The following PRKAR1A variants were observed in gnomAD, a reference collection of about 807,000 sequenced individuals.
The protein encoded by PRKAR1A is protein kinase cAMP-dependent type I regulatory subunit alpha.
A neutral mutation model predicts 52.0 loss-of-function variants in PRKAR1A; 3 were observed. The ratio of observed to expected loss-of-function variants is 0.06; its 90% confidence interval spans 0.03 to 0.15. The LOEUF (loss-of-function observed/expected upper bound fraction) is 0.15. PRKAR1A is among the 10% of genes least tolerant of loss of function. The probability of loss-of-function intolerance (pLI) is 1.00; values close to 1 mark genes in which losing one functional copy is unlikely to be tolerated. For missense variants in PRKAR1A, 240 were observed against 477.4 expected (o/e 0.50, Z 4.63); for synonymous variants, 188 against 168.4 (o/e 1.12, Z -0.90).
chr17:68,492,405 C>A, the PRKAR1A span, among the ~76,000 whole-genome samples: 3 of 152,100 alleles, frequency 2.0e-5, no homozygotes, highest in Non-Finnish European at 2.9e-5. Flanking sequence ...GTTCTTCCCA[C>A]CCCTGCGAGC....
At chr17:68,424,226 C>T in the PRKAR1A span, among the ~76,000 whole-genome samples, 31 of 152,310 alleles carry the variant, frequency 2.0e-4, no homozygotes, top group African/African-American at 5.1e-4. Flanking sequence ...ATATAAACTT[C>T]ACTTGCCAGC....
chr17:68,475,044 A>G, the PRKAR1A span, among the ~76,000 whole-genome samples: 1 of 152,250 alleles, frequency 6.6e-6, no homozygotes, highest in African/African-American at 2.4e-5. Flanking sequence ...AAATCAATGA[A>G]TACATTTAAT....
the PRKAR1A span, chr17:68,426,254 G>GGGGGGGC: frequency 1.2e-6 from 1 of 816,924 alleles, no homozygotes. Context: ...GGGAGCGGGG[G>GGGGGGGC]CTCAAATAAA....
the PRKAR1A span, among the ~76,000 whole-genome samples, chr17:68,476,842 T>C: frequency 1.3e-5 from 2 of 152,016 alleles, no homozygotes; most frequent in South Asian, 2.1e-4. Flanking sequence ...TTTGTATTTT[T>C]AGTAGGGATG....
intron 2 of PRKAR1A, among the ~76,000 whole-genome samples, chr17:68,518,860 T>G (rs1484050510): frequency 1.3e-5 from 2 of 152,182 alleles, no homozygotes; most frequent in Non-Finnish European, 2.9e-5. Flanking sequence ...TGCTTAGAAA[T>G]TTCTTCCACC....
At chr17:68,492,188 C>T in the PRKAR1A span, among the ~76,000 whole-genome samples, 5 of 152,306 alleles carry the variant, frequency 3.3e-5, no homozygotes, top group South Asian at 2.1e-4. Context: ...ATGGTTCATT[C>T]GGCAGGTGCT....
the PRKAR1A span, among the ~76,000 whole-genome samples, chr17:68,475,850 T>C: frequency 6.6e-6 from 1 of 152,192 alleles, no homozygotes; most frequent in Non-Finnish European, 1.5e-5. Context: ...TTGATACATA[T>C]ATTTTTATGC....
At chr17:68,542,259 A>T (rs764112661) in intron 11 of PRKAR1A, 274 of 1,348,942 alleles carry the variant, frequency 2.0e-4, no homozygotes, top group Non-Finnish European at 2.7e-4. Context: ...GGGAAGGGAA[A>T]CCCTGAACTC....
chr17:68,469,956 G>A, the PRKAR1A span, among the ~76,000 whole-genome samples: 1 of 152,074 alleles, frequency 6.6e-6, no homozygotes, highest in African/African-American at 2.4e-5. Flanking sequence ...TGGTATAATA[G>A]AAGACAGCTG....
the PRKAR1A span, among the ~76,000 whole-genome samples, chr17:68,489,601 A>T: frequency 6.6e-6 from 1 of 151,422 alleles, no homozygotes; most frequent in African/African-American, 2.4e-5. Flanking sequence ...CCCATGCTGG[A>T]GTGCAGTGGT....
At chr17:68,463,727 A>G in the PRKAR1A span, among the ~76,000 whole-genome samples, 2 of 152,208 alleles carry the variant, frequency 1.3e-5, no homozygotes, top group Non-Finnish European at 2.9e-5. Context: ...GTCATATGGG[A>G]AAAAGCTCAA....
chr17:68,489,205 T>C, the PRKAR1A span, among the ~76,000 whole-genome samples: 4 of 40,454 alleles, frequency 9.9e-5, no homozygotes, highest in African/African-American at 4.1e-4. Context: ...TATATATATA[T>C]ATATATATAT....
chr17:68,506,515 G>A, the PRKAR1A span, among the ~76,000 whole-genome samples: 1 of 144,652 alleles, frequency 6.9e-6, no homozygotes, highest in African/African-American at 2.8e-5. Flanking sequence ...ACAGAGTGTC[G>A]CTCTATCACC....
At chr17:68,437,005 A>AAAATATAT in the PRKAR1A span, among the ~76,000 whole-genome samples, 9 of 107,264 alleles carry the variant, frequency 8.4e-5, no homozygotes, top group African/African-American at 2.1e-4. Flanking sequence ...AAAAAAAAAA[A>AAAATATAT]ATATATATAT....
At chr17:68,426,068 T>A in the PRKAR1A span, 1 of 1,612,768 alleles carries the variant, frequency 6.2e-7, no homozygotes. Flanking sequence ...GGGTTCCTAA[T>A]GCTCACAGGA....
chr17:68,538,525 G>A (rs1053653554), intron 11 of PRKAR1A, among the ~76,000 whole-genome samples: 3 of 152,218 alleles, frequency 2.0e-5, no homozygotes, highest in Non-Finnish European at 4.4e-5. Context: ...TACAAGCCTG[G>A]CTGAAACACT....
chr17:68,463,939 A>G, the PRKAR1A span, among the ~76,000 whole-genome samples: 1 of 152,224 alleles, frequency 6.6e-6, no homozygotes, highest in South Asian at 2.1e-4. Context: ...CAGAAAGCCC[A>G]GCATTATGTT....
At chr17:68,522,316 G>A (rs909449589) in intron 2 of PRKAR1A, among the ~76,000 whole-genome samples, 4 of 152,218 alleles carry the variant, frequency 2.6e-5, no homozygotes, top group South Asian at 4.1e-4. Flanking sequence ...CACTATGTTG[G>A]GCTTGAATTG....
the PRKAR1A span, among the ~76,000 whole-genome samples, chr17:68,487,525 G>A: frequency 1.3e-5 from 2 of 152,202 alleles, no homozygotes; most frequent in Admixed American, 6.5e-5. Context: ...GTTTGGGGTC[G>A]GGCGCGGTGG....
Sources: allele counts gnomAD v4.1 joint callset (sites outside exome capture counted in the v4.1 genomes callset), GRCh38; gene constraint gnomAD v4.1.1; transcripts MANE v1.5; gene names NCBI Gene and HGNC (gene_info 2026-07-23, HGNC 2026-07-21).